The following METTL15 variants were observed in gnomAD, a reference collection of about 807,000 sequenced individuals.
METTL15 encodes the protein 12S rRNA N(4)-cytidine methyltransferase METTL15.
A neutral mutation model predicts 38.3 loss-of-function variants in METTL15; 34 were observed. The observed-to-expected ratio is 0.89, with a 90% CI of 0.68 to 1.18. The LOEUF (loss-of-function observed/expected upper bound fraction) is 1.18, where lower values mean the gene tolerates loss of function less well. METTL15 is among the 50% of genes most tolerant of loss of function. METTL15 has a pLI of 0.00. For synonymous variants in METTL15, 162 were observed against 170.9 expected (o/e 0.95, Z 0.41); for missense variants, 438 against 498.4 (o/e 0.88, Z 1.15).
At chr11:28,115,882 A>G (rs966923465) in intron 3 of METTL15, among the ~76,000 whole-genome samples, 2 of 151,412 alleles carry the variant, frequency 1.3e-5, no homozygotes, top group East Asian at 2.0e-4. Flanking sequence ...ATATGTGTGT[A>G]TATATATACA....
chr11:28,210,618 G>A (rs1565169296), intron 3 of METTL15, among the ~76,000 whole-genome samples: 1 of 151,626 alleles, frequency 6.6e-6, no homozygotes, highest in African/African-American at 2.4e-5. Context: ...CTCTCTCTCT[G>A]TCTTTCTGTT....
At chr11:28,320,868 G>A (rs1849442742) in intron 6 of METTL15, among the ~76,000 whole-genome samples, 2 of 151,866 alleles carry the variant, frequency 1.3e-5, no homozygotes, top group Non-Finnish European at 2.9e-5. Flanking sequence ...TTAAGTCATT[G>A]TAAGTCTCTA....
intron 4 of METTL15, among the ~76,000 whole-genome samples, chr11:28,286,674 G>C (rs115180201): frequency 2.0e-5 from 3 of 152,072 alleles, no homozygotes; most frequent in African/African-American, 7.2e-5. Context: ...ATGTTCAAAC[G>C]TGAGCTGAGG....
intron 4 of METTL15, among the ~76,000 whole-genome samples, chr11:28,267,842 A>G (rs1024855870): frequency 6.6e-6 from 1 of 152,252 alleles, no homozygotes; most frequent in Non-Finnish European, 1.5e-5. Flanking sequence ...AGAATAATGC[A>G]TGTATATGGA....
chr11:28,504,273 G>GT (rs1445663117), intron 6 of METTL15, among the ~76,000 whole-genome samples: 2 of 151,854 alleles, frequency 1.3e-5, no homozygotes, highest in African/African-American at 4.8e-5. Flanking sequence ...GACCAGGCAG[G>GT]TAATATAAAT....
At chr11:28,178,782 G>A (rs750495334) in intron 3 of METTL15, among the ~76,000 whole-genome samples, 1 of 151,598 alleles carries the variant, frequency 6.6e-6, no homozygotes, top group East Asian at 1.9e-4. Flanking sequence ...TATTCATTGC[G>A]AATATTTTAC....
rs59729387 is a variant in METTL15 at position 28,204,435 on chromosome 11, CTTTTTTTTTTTT to C, written c.271-6612_271-6601del. On this transcript the variant is annotated intron_variant, in intron 3 of 6. Coordinates refer to ENST00000407364, the MANE Select transcript of METTL15 (RefSeq NM_001113528.2). ...ATTTTCTCTCTGCACCTGAGTTTTC[CTTTTTTTTTTTT>C]TTTTTTTTTTTTTTGTAAAAAGGGA... Among the ~76,000 whole-genome samples the C allele has an allele frequency of 1.4e-4, 11 of 79,344 alleles. No individual in the cohort carries two copies. The East Asian group carries it at 2.6e-3, about 19-fold the overall frequency. 52.1% of individuals were successfully genotyped at this position (79,344 alleles called of 152,430 possible). A position where few individuals can be genotyped will look rare whatever the true frequency, so the allele number is the denominator to read the frequency against.
chr11:28,439,070 T>G (rs1408493645), intron 6 of METTL15, among the ~76,000 whole-genome samples: 3 of 151,900 alleles, frequency 2.0e-5, no homozygotes, highest in African/African-American at 7.2e-5. Context: ...CTGTGTAAGA[T>G]CCAGCAGAGG....
At chr11:28,457,972 T>TA in intron 6 of METTL15, among the ~76,000 whole-genome samples, 1 of 152,296 alleles carries the variant, frequency 6.6e-6, no homozygotes. Context: ...AATATAGGAA[T>TA]GTTGTAAAGC....
chr11:28,388,187 A>G (rs900439852), intron 5 of METTL15, among the ~76,000 whole-genome samples: 21 of 152,220 alleles, frequency 1.4e-4, no homozygotes, highest in African/African-American at 4.6e-4. Flanking sequence ...CTTCTATTCA[A>G]TATAGTGCTG....
At chr11:28,324,430 A>G (rs1849567209) in intron 6 of METTL15, among the ~76,000 whole-genome samples, 1 of 152,064 alleles carries the variant, frequency 6.6e-6, no homozygotes, top group Admixed American at 6.6e-5. Context: ...CCAAGCTTGG[A>G]TTTTCTGAGG....
chr11:28,433,667 T>C (rs1850956375), intron 6 of METTL15, among the ~76,000 whole-genome samples: 1 of 152,200 alleles, frequency 6.6e-6, no homozygotes, highest in African/African-American at 2.4e-5. Context: ...TATTTGGTTC[T>C]TCATGGAGCT....
chr11:28,385,013 A>G (rs902718897), intron 5 of METTL15, among the ~76,000 whole-genome samples: 1 of 152,072 alleles, frequency 6.6e-6, no homozygotes, highest in Non-Finnish European at 1.5e-5. Flanking sequence ...TTGTACATTT[A>G]TTTAAGTTCC....
At chr11:28,519,183 T>G (rs1564954635) in intron 6 of METTL15, 1 of 152,236 alleles carries the variant, frequency 6.6e-6, no homozygotes, top group East Asian at 1.9e-4. Context: ...CTTGTTTAAA[T>G]GCACCTTCCT....
chr11:28,454,591 G>A (rs1277753450), intron 6 of METTL15, among the ~76,000 whole-genome samples: 3 of 152,256 alleles, frequency 2.0e-5, no homozygotes, highest in Middle Eastern at 3.4e-3. Flanking sequence ...GGCCACTAAT[G>A]AGAGTCCAGG....
At chr11:28,453,856 T>C (rs1851145157) in intron 6 of METTL15, among the ~76,000 whole-genome samples, 1 of 152,164 alleles carries the variant, frequency 6.6e-6, no homozygotes. Context: ...AAAAATCTGT[T>C]TGGTTGGTTG....
rs558391151 is a variant in METTL15 at position 28,376,850 on chromosome 11, G to A, written c.*358+14814G>A. 8.7e-3 allele frequency among the ~76,000 whole-genome samples: 1,260 copies of A among 145,546 alleles called. 13 individuals carry two copies. The highest frequency in any genetic ancestry group is 0.013 in the Non-Finnish European group (833 of 65,500). On this transcript the variant is annotated intron_variant and NMD_transcript_variant, in intron 5 of 7. Transcript: ENST00000532947. ...TCCTTCAGGAGCTCTTTTAGGGCAG[G>A]CCTGGTGGTGCCAAAATCTCTCAGC...
intron 5 of METTL15, among the ~76,000 whole-genome samples, chr11:28,363,680 C>G (rs186574698): frequency 1.2e-4 from 18 of 152,146 alleles, no homozygotes; most frequent in Admixed American, 1.1e-3. Flanking sequence ...TGCAGAAGCT[C>G]TTTAGTTTAA....
At chr11:28,111,095 C>G (rs1434164045) in intron 2 of METTL15, among the ~76,000 whole-genome samples, 1 of 152,086 alleles carries the variant, frequency 6.6e-6, no homozygotes, top group Non-Finnish European at 1.5e-5. Flanking sequence ...GGAGGTATTG[C>G]AGGAAACAAG....
Sources: gnomAD v4.1 joint callset for allele counts (sites outside exome capture counted in the v4.1 genomes callset) on GRCh38, gnomAD v4.1.1 for gene constraint, MANE v1.5 for transcripts, NCBI Gene and HGNC (gene_info 2026-07-23, HGNC 2026-07-21) for gene names.